Variants in NOS1AP observed in about 807,000 individuals in gnomAD.
NOS1AP encodes the protein carboxyl-terminal PDZ ligand of neuronal nitric oxide synthase protein.
NOS1AP carries 21 observed loss-of-function variants against 56.2 expected under a neutral mutation model. That is an observed-to-expected ratio of 0.37 (90% CI 0.26 to 0.54). The LOEUF is 0.54. Among genes scored for constraint, NOS1AP ranks in the 20% least tolerant of loss-of-function variants. NOS1AP has a pLI of 0.84. For synonymous variants in NOS1AP, 270 were observed against 274.6 expected (o/e 0.98, Z 0.17); for missense variants, 522 against 657.8 (o/e 0.79, Z 2.26).
chr1:162,287,379 A>G lies in NOS1AP; in HGVS notation c.213A>G (p.Lys71=), dbSNP rs1440926014. 6.2e-7 allele frequency: 1 copy of G among 1,613,724 alleles called. No individual in the cohort carries two copies. Among genetic ancestry groups the G allele is most frequent in the Non-Finnish European group, 8.5e-7 (1 of 1,179,656 alleles). ...EFKAKNIKKK[K]VSIMVSVDGV... ...AAGCCAAGAACATCAAGAAGAAGAA[A>G]GTGAGCATTATGGTTTCAGTGGATG... Residue 71 remains lysine (K), a synonymous_variant, in exon 3 of 10, where the codon AAA becomes AAG. Coordinates refer to ENST00000361897, the MANE Select transcript of NOS1AP (RefSeq NM_014697.3).
At chr1:162,248,735 C>A (rs1199867562) in intron 2 of NOS1AP, among the ~76,000 whole-genome samples, 1 of 152,164 alleles carries the variant, frequency 6.6e-6, no homozygotes, top group Non-Finnish European at 1.5e-5. Context: ...ATTTTATTCA[C>A]CCCAACTCCA....
intron 2 of NOS1AP, among the ~76,000 whole-genome samples, chr1:162,210,216 G>A (rs1445420919): frequency 6.6e-6 from 1 of 152,144 alleles, no homozygotes; most frequent in African/African-American, 2.4e-5. Context: ...GGAGTAGGCT[G>A]AGGTGCAAGG....
chr1:162,283,106 G>T (rs112371387), intron 2 of NOS1AP, among the ~76,000 whole-genome samples: 1 of 144,806 alleles, frequency 6.9e-6, no homozygotes, highest in Admixed American at 6.7e-5. Flanking sequence ...CTCTCTCTCT[G>T]TGTGTGTGTG....
At chr1:162,318,842 C>T (rs575579891) in intron 4 of NOS1AP, among the ~76,000 whole-genome samples, 1 of 152,286 alleles carries the variant, frequency 6.6e-6, no homozygotes, top group South Asian at 2.1e-4. Context: ...CCTCCTCCTT[C>T]CATGTTCCTT....
At chr1:162,121,137 G>T (rs1371181869) in intron 1 of NOS1AP, among the ~76,000 whole-genome samples, 2 of 133,734 alleles carry the variant, frequency 1.5e-5, no homozygotes, top group African/African-American at 5.8e-5. Flanking sequence ...GGGGTAAACC[G>T]ATCACTTCAG....
At chr1:162,084,060 T>C (rs1277286149) in intron 1 of NOS1AP, among the ~76,000 whole-genome samples, 1 of 152,204 alleles carries the variant, frequency 6.6e-6, no homozygotes, top group Non-Finnish European at 1.5e-5. Context: ...GCTGAGACTT[T>C]TGACTTTTTA....
chr1:162,313,404 G>A (rs1656117897), intron 4 of NOS1AP, among the ~76,000 whole-genome samples: 1 of 152,096 alleles, frequency 6.6e-6, no homozygotes, highest in African/African-American at 2.4e-5. Flanking sequence ...TTGACACTCG[G>A]ATATTCTTTC....
intron 3 of NOS1AP, among the ~76,000 whole-genome samples, chr1:162,294,169 CAGGT>C (rs1304961075): frequency 6.8e-5 from 7 of 102,860 alleles, no homozygotes; most frequent in South Asian, 6.2e-4. Flanking sequence ...GGAAGGAAGG[CAGGT>C]AGGAAGGAAG....
chr1:162,309,621 C>T (rs1312535073), intron 4 of NOS1AP, among the ~76,000 whole-genome samples: 5 of 152,106 alleles, frequency 3.3e-5, no homozygotes, highest in Non-Finnish European at 7.4e-5. Context: ...GTTCAGAGTA[C>T]AGACAGAAGA....
chr1:162,348,378 C>T (rs1657371864), intron 6 of NOS1AP, among the ~76,000 whole-genome samples: 1 of 152,122 alleles, frequency 6.6e-6, no homozygotes, highest in South Asian at 2.1e-4. Flanking sequence ...GTGACAGTGA[C>T]CATGAGTACA....
chr1:162,285,304 G>A (rs1557863133), intron 2 of NOS1AP, among the ~76,000 whole-genome samples: 1 of 151,820 alleles, frequency 6.6e-6, no homozygotes, highest in Non-Finnish European at 1.5e-5. Context: ...CAAGTGACTG[G>A]AGGTAAATGC....
In NOS1AP at chr1:162,365,990, A is replaced by G. The variant is rs144430139; in HGVS notation, c.1105+421A>G. 2.0e-3 allele frequency among the ~76,000 whole-genome samples: 298 copies of G among 152,152 alleles called. 2 individuals are homozygous for G. Among genetic ancestry groups the G allele is most frequent in the African/African-American group, 6.9e-3 (288 of 41,500 alleles). On this transcript the variant is annotated intron_variant, in intron 9 of 9. Coordinates refer to ENST00000361897, the MANE Select transcript of NOS1AP (RefSeq NM_014697.3). ...ACAGCAGATTGTTTCTTAGTTTACTACTCTGCACTATGTATTTCAAGACTC... is the reference window on the plus strand; with the variant it reads ...ACAGCAGATTGTTTCTTAGTTTACTGCTCTGCACTATGTATTTCAAGACTC...
chr1:162,324,433 T>TTG lies in NOS1AP; in HGVS notation c.345-8583_345-8582insGT, dbSNP rs1447176666. Among the ~76,000 whole-genome samples, 10 of 147,360 alleles carry TTG rather than the reference T, an allele frequency of 6.8e-5. 1 individual carries two copies. Among genetic ancestry groups the TTG allele is most frequent in the Admixed American group, 2.7e-4 (4 of 14,714 alleles). On this transcript the variant is annotated intron_variant, in intron 4 of 9. Coordinates refer to ENST00000361897, the MANE Select transcript of NOS1AP (RefSeq NM_014697.3). ...ACACTAGCCTTTTTTTTTTTTTTTT[T>TTG]TTTTTTTTTTTGCCTCCCTGTCAAG... is the stretch of plus-strand genomic sequence containing the variant.
At chr1:162,299,753 G>A (rs888191288) in intron 3 of NOS1AP, among the ~76,000 whole-genome samples, 1 of 151,050 alleles carries the variant, frequency 6.6e-6, no homozygotes, top group South Asian at 2.1e-4. Context: ...GATTAAATGT[G>A]GTGTGTGTGT....
intron 3 of NOS1AP, among the ~76,000 whole-genome samples, chr1:162,289,260 CCTTCCTTCCTTCCTTCCTTT>C (rs1383219016): frequency 0.025 from 1,702 of 69,208 alleles, 99 homozygotes; most frequent in African/African-American, 0.086. Context: ...TTCCTTCCTT[CCTTCCTTCCTTCCTTCCTTT>C]CCTTCCTTCC....
chr1:162,313,483 C>T (rs1656119067), intron 4 of NOS1AP, among the ~76,000 whole-genome samples: 1 of 152,150 alleles, frequency 6.6e-6, no homozygotes, highest in Admixed American at 6.5e-5. Flanking sequence ...CAAGAGCTGC[C>T]TCCCACATCT....
chr1:162,248,005 G>A (rs138307320), intron 2 of NOS1AP, among the ~76,000 whole-genome samples: 89 of 152,210 alleles, frequency 5.8e-4, no homozygotes, highest in African/African-American at 1.6e-3. Context: ...AAAGCTGGTC[G>A]TGTGTGGTGG....
intron 6 of NOS1AP, among the ~76,000 whole-genome samples, chr1:162,344,266 C>A (rs891964965): frequency 1.1e-4 from 17 of 152,016 alleles, no homozygotes; most frequent in African/African-American, 3.9e-4. Flanking sequence ...AAAAAAGCAC[C>A]CCCATAAAAC....
In NOS1AP at chr1:162,367,052, T is replaced by C. The variant is rs1658110009; in HGVS notation, c.1106T>C (p.Met369Thr). The C allele has an allele frequency of 6.2e-7, 1 of 1,613,746 alleles. No individual in the cohort carries two copies. Among genetic ancestry groups the C allele is most frequent in the Admixed American group, 1.7e-5 (1 of 60,010 alleles). Reference protein sequence around the residue: ...LELKLSGQNAMGSQDSLLEIT... With the variant: ...LELKLSGQNATGSQDSLLEIT... ...CTGCTACCTCTTGTCTCCCCTGCAGTGGGCTCCCAGGACAGCTTGCTGGAG... is the reference window on the plus strand; with the variant it reads ...CTGCTACCTCTTGTCTCCCCTGCAGCGGGCTCCCAGGACAGCTTGCTGGAG... The change falls in exon 10 of 10, where the codon ATG becomes ACG. Residue 369 changes from methionine to threonine, a missense_variant and splice_region_variant. Physicochemically the swap from Met to Thr is moderately conservative, Grantham distance 81. Transcript: ENST00000361897. This position sits in a 1 kb window ranked among gnomAD's most constrained non-coding sequence, Gnocchi z 6.5.
Sources: allele counts gnomAD v4.1 joint callset (sites outside exome capture counted in the v4.1 genomes callset), GRCh38; gene constraint gnomAD v4.1.1; non-coding constraint Gnocchi (gnomAD v3.1); transcripts MANE v1.5; gene names NCBI Gene and HGNC (gene_info 2026-07-23, HGNC 2026-07-21).